AGAP1: variants seen among roughly 807,000 people sequenced by gnomAD.
AGAP1 encodes arf-GAP with GTPase, ANK repeat and PH domain-containing protein 1.
In AGAP1, 29 loss-of-function variants were observed where a neutral mutation model predicts 105.3. That is an observed-to-expected ratio of 0.28 (90% confidence interval 0.21 to 0.38). The LOEUF is 0.38. Ranked by LOEUF, AGAP1 falls within the 10% of genes least tolerant of loss-of-function variation. The pLI is 1.00. For synonymous variants in AGAP1, 509 were observed against 485.9 expected (o/e 1.05, Z -0.63); for missense variants, 998 against 1,165.1 (o/e 0.86, Z 2.09).
intron 1 of AGAP1, among the ~76,000 whole-genome samples, chr2:235,580,135 GTTTA>G (rs994415421): frequency 1.3e-5 from 2 of 152,140 alleles, no homozygotes; most frequent in African/African-American, 4.8e-5. Flanking sequence ...ACCACATTTT[GTTTA>G]TTCATTCATC....
In AGAP1 at chr2:235,847,147, T is replaced by C. The variant is rs200331846; in HGVS notation, c.1051-36198T>C. Among the ~76,000 whole-genome samples the C allele has an allele frequency of 9.2e-5, 14 of 152,230 alleles. No individual in the cohort carries two copies. In the East Asian group the frequency reaches 2.5e-3, roughly 27 times the overall value. ...AGAGGCTTAAAGGTAGAACATCTCATGAGACTTTAGGTTTCGAGAATGGGT... is the reference window on the plus strand; with the variant it reads ...AGAGGCTTAAAGGTAGAACATCTCACGAGACTTTAGGTTTCGAGAATGGGT... On this transcript the variant is annotated intron_variant, in intron 9 of 17. Coordinates refer to ENST00000304032, the MANE Select transcript of AGAP1 (RefSeq NM_001037131.3).
intron 1 of AGAP1, among the ~76,000 whole-genome samples, chr2:235,681,048 G>C (rs537057063): frequency 6.6e-6 from 1 of 151,866 alleles, no homozygotes; most frequent in Non-Finnish European, 1.5e-5. Flanking sequence ...TCGCTCTGTC[G>C]CCCAGGCTGG....
intron 9 of AGAP1, chr2:235,852,715 A>C (rs1332088998): frequency 2.6e-6 from 4 of 1,528,928 alleles, no homozygotes; most frequent in African/African-American, 1.4e-5. Flanking sequence ...TTGCACTGAC[A>C]GCCAGCACTT....
Position 235,630,934 on chromosome 2 carries a change from C to T in AGAP1, c.164-78245C>T, listed in dbSNP as rs536151989. Among the ~76,000 whole-genome samples, 9 of 152,252 alleles carry T rather than the reference C, an allele frequency of 5.9e-5. No homozygotes were observed. The South Asian group carries it at 1.0e-3, about 18-fold the overall frequency. On this transcript the variant is annotated intron_variant, in intron 1 of 17. Transcript: ENST00000304032. ...ACACGAGTGACAGCCAGCCGCAGCC[C>T]GATCAAAACAAAGAGCCGCTGCACG... is the stretch of plus-strand genomic sequence containing the variant.
In AGAP1 at chr2:235,879,006, C is replaced by T. The variant is rs926747799; in HGVS notation, c.1051-4339C>T. On this transcript the variant is annotated intron_variant, in intron 9 of 17. Transcript: ENST00000304032. This position sits in a 1 kb window ranked among gnomAD's most constrained non-coding sequence, Gnocchi z 5.0. ...GTGGCTGGGACACCCAGAGGTTCTG[C>T]GTGGGGAGCAGGTCACCGCCCATCA... Among the ~76,000 whole-genome samples, 12 of 152,118 alleles carry T rather than the reference C, an allele frequency of 7.9e-5. No homozygotes were observed. Among genetic ancestry groups the T allele is most frequent in the Non-Finnish European group, 1.3e-4 (9 of 68,014 alleles).
Position 235,700,372 on chromosome 2 carries a change from C to T in AGAP1, c.164-8807C>T, listed in dbSNP as rs1378009286. ...CGTTTTGACTTTCAAATCCTCACGC[C>T]CTCTGCTTTGATTCTCTCAGACGTG... On this transcript the variant is annotated intron_variant, in intron 1 of 17. Transcript: ENST00000304032. This position sits in a 1 kb window ranked among gnomAD's most constrained non-coding sequence, Gnocchi z 6.1. Among the ~76,000 whole-genome samples the T allele has an allele frequency of 6.6e-6, 1 of 152,182 alleles. No homozygotes were observed. The highest frequency in any genetic ancestry group is 1.5e-5 in the Non-Finnish European group (1 of 68,036).
rs1298649311 is a variant in AGAP1 at position 235,705,104 on chromosome 2, G to A, written c.164-4075G>A. ...AGCACTTCTCCTGCCTCAGCCTCCC[G>A]AGCAGCTGGGATTACAATCATGTGC... On this transcript the variant is annotated intron_variant, in intron 1 of 17. Transcript: ENST00000304032. This position sits in a 1 kb window ranked among gnomAD's most constrained non-coding sequence, Gnocchi z 4.9. Among the ~76,000 whole-genome samples, 2 of 148,358 alleles carry A rather than the reference G, an allele frequency of 1.3e-5. No individual in the cohort carries two copies. The highest frequency in any genetic ancestry group is 1.5e-5 in the Non-Finnish European group (1 of 67,464).
intron 16 of AGAP1, among the ~76,000 whole-genome samples, chr2:236,065,739 G>A (rs2058329084): frequency 6.6e-6 from 1 of 152,224 alleles, no homozygotes; most frequent in South Asian, 2.1e-4. Flanking sequence ...GCTGCCTCCT[G>A]CTGGGTTGTG....
At chr2:236,086,097 C>G (rs1423795992) in intron 16 of AGAP1, among the ~76,000 whole-genome samples, 4 of 152,242 alleles carry the variant, frequency 2.6e-5, no homozygotes, top group Admixed American at 2.0e-4. Context: ...CCCCCCTCCT[C>G]CTGCTTAGAG....
At chr2:235,757,267 T>C (rs1437863036) in intron 6 of AGAP1, among the ~76,000 whole-genome samples, 2 of 152,186 alleles carry the variant, frequency 1.3e-5, no homozygotes, top group South Asian at 2.1e-4. Context: ...TCTGCATTAT[T>C]GTGGAGGGAG....
At position 235,716,416 on chromosome 2, in the gene AGAP1, C is replaced by T. The variant is rs1218902964; in HGVS notation, c.223-1141C>T. Among the ~76,000 whole-genome samples the T allele has an allele frequency of 6.6e-6, 1 of 152,038 alleles. No individual in the cohort carries two copies. The highest frequency in any genetic ancestry group is 1.5e-5 in the Non-Finnish European group (1 of 68,024). ...TGGAAGTTGCGGGTGACCTAGTGGGCAGTTTCCTGGTAGCAACAGGGCCAG... is the reference window on the plus strand; with the variant it reads ...TGGAAGTTGCGGGTGACCTAGTGGGTAGTTTCCTGGTAGCAACAGGGCCAG... On this transcript the variant is annotated intron_variant, in intron 2 of 17. Coordinates refer to ENST00000304032, the MANE Select transcript of AGAP1 (RefSeq NM_001037131.3). The surrounding 1 kb of genome is among the most constrained non-coding windows in gnomAD (Gnocchi z 4.0).
At chr2:235,510,335 C>T (rs769228295) in intron 1 of AGAP1, among the ~76,000 whole-genome samples, 8 of 152,194 alleles carry the variant, frequency 5.3e-5, no homozygotes, top group Admixed American at 1.3e-4. Flanking sequence ...ATTCAGTCAG[C>T]ATGATGATTT....
rs1433070141 is a variant in AGAP1 at position 235,767,475 on chromosome 2, C to CTT, written c.673+16987_673+16988insTT. 4.2e-3 allele frequency among the ~76,000 whole-genome samples: 638 copies of CTT among 152,316 alleles called. 3 individuals are homozygous for CTT. Among genetic ancestry groups the CTT allele is most frequent in the African/African-American group, 0.014 (600 of 41,580 alleles). ...TGCAGCCGTTGCTTTTTCCGTTGACCAAAGCCATGACCTTACCTTTATGCA... is the reference window on the plus strand; with the variant it reads ...TGCAGCCGTTGCTTTTTCCGTTGACCTTAAAGCCATGACCTTACCTTTATGCA... On this transcript the variant is annotated intron_variant, in intron 6 of 17. Coordinates refer to ENST00000304032, the MANE Select transcript of AGAP1 (RefSeq NM_001037131.3).
At chr2:235,880,352 G>A (rs1396025434) in intron 9 of AGAP1, among the ~76,000 whole-genome samples, 2 of 152,064 alleles carry the variant, frequency 1.3e-5, no homozygotes, top group East Asian at 1.9e-4. Context: ...TTGTCTGAGT[G>A]GGAAGGGATG....
chr2:236,085,240 A>AAT (rs2058897100), intron 16 of AGAP1, among the ~76,000 whole-genome samples: 3 of 149,486 alleles, frequency 2.0e-5, no homozygotes, highest in African/African-American at 2.5e-5. Flanking sequence ...AAAAAAAAAA[A>AAT]TTTTTATTTA....
chr2:235,862,141 GTTCATCCATGGCTCCA>G (rs370171810), intron 9 of AGAP1, among the ~76,000 whole-genome samples: 3 of 152,040 alleles, frequency 2.0e-5, no homozygotes, highest in African/African-American at 7.3e-5. Flanking sequence ...TGTCCTGGGT[GTTCATCCATGGCTCCA>G]TTCATCCATG....
Position 236,044,049 on chromosome 2 carries a change from T to C in AGAP1, c.1891+3208T>C, listed in dbSNP as rs978266267. On this transcript the variant is annotated intron_variant, in intron 15 of 17. Coordinates refer to ENST00000304032, the MANE Select transcript of AGAP1 (RefSeq NM_001037131.3). This position sits in a 1 kb window ranked among gnomAD's most constrained non-coding sequence, Gnocchi z 5.7. Reference sequence around the variant, plus strand: ...GCTCACTGGGCACATCCCAGAGCACTGTTTCCAGAGTGGACGCTGAGCCTC... The same window carrying C: ...GCTCACTGGGCACATCCCAGAGCACCGTTTCCAGAGTGGACGCTGAGCCTC... Among the ~76,000 whole-genome samples the C allele has an allele frequency of 3.9e-5, 6 of 152,168 alleles. No homozygotes were observed. The highest frequency in any genetic ancestry group is 3.3e-4 in the Admixed American group (5 of 15,284).
At chr2:235,924,476 C>T (rs1417546582) in intron 11 of AGAP1, among the ~76,000 whole-genome samples, 2 of 152,200 alleles carry the variant, frequency 1.3e-5, no homozygotes, top group African/African-American at 4.8e-5. Flanking sequence ...TTCCATGCGG[C>T]TGCTCGGCCC....
chr2:236,043,484 T>G (rs908555562), intron 15 of AGAP1, among the ~76,000 whole-genome samples: 1 of 152,318 alleles, frequency 6.6e-6, no homozygotes, highest in Admixed American at 6.5e-5. Flanking sequence ...CCCAGCACTT[T>G]GGGAGGCCAA....
Sources: allele counts gnomAD v4.1 joint callset (sites outside exome capture counted in the v4.1 genomes callset), GRCh38; gene constraint gnomAD v4.1.1; non-coding constraint Gnocchi (gnomAD v3.1); transcripts MANE v1.5; gene names NCBI Gene and HGNC (gene_info 2026-07-23, HGNC 2026-07-21).